Variants in PCDHGA5 observed in about 807,000 individuals in gnomAD.
PCDHGA5 encodes protocadherin gamma-A5.
In PCDHGA5, 36 loss-of-function variants were observed where a neutral mutation model predicts 56.7. The ratio of observed to expected loss-of-function variants is 0.64; its 90% CI spans 0.49 to 0.84. The LOEUF (loss-of-function observed/expected upper bound fraction) is 0.84, where lower values mean the gene tolerates loss of function less well. Among genes scored for constraint, PCDHGA5 ranks in the 40% least tolerant of loss-of-function variants. The probability of loss-of-function intolerance (pLI) is 0.00; values close to 1 mark genes in which losing one functional copy is unlikely to be tolerated. For synonymous variants in PCDHGA5, 563 were observed against 520.2 expected (o/e 1.08, Z -1.12); for missense variants, 1,305 against 1,201.5 (o/e 1.09, Z -1.27).
rs749007839 is a variant in PCDHGA5 at position 141,418,069 on chromosome 5, G to A, written c.2421+51318G>A. On this transcript the variant is annotated intron_variant, in intron 1 of 3. Coordinates refer to ENST00000518069, the MANE Select transcript of PCDHGA5 (RefSeq NM_018918.3). ...CGGCTCGCGAGCTGCGAGTGAGCGC[G>A]GAGAAGCTGCACTTCAGCGTAGACG... 1.7e-5 allele frequency: 28 copies of A among 1,613,926 alleles called. 1 individual carries two copies. The Middle Eastern group carries it at 9.9e-4, about 57-fold the overall frequency.
intron 1 of PCDHGA5, chr5:141,394,523 C>T (rs373702756): frequency 5.0e-6 from 8 of 1,614,234 alleles, no homozygotes; most frequent in Non-Finnish European, 6.8e-6. Context: ...TCCCCACAGA[C>T]GGTTCCACTG....
At chr5:141,482,343 A>G (rs1016179369) in intron 1 of PCDHGA5, among the ~76,000 whole-genome samples, 3 of 152,126 alleles carry the variant, frequency 2.0e-5, no homozygotes, top group Non-Finnish European at 2.9e-5. Flanking sequence ...TACTTTGCAA[A>G]CTTGTTGTGA....
chr5:141,365,865 G>A lies in PCDHGA5; in HGVS notation c.1535G>A (p.Gly512Asp), dbSNP rs1444429243. 1.9e-6 allele frequency: 3 copies of A among 1,614,056 alleles called. No homozygotes were observed. Among genetic ancestry groups the A allele is most frequent in the Non-Finnish European group, 2.5e-6 (3 of 1,179,918 alleles). The change falls in exon 1 of 4, where the codon GGT (glycine) becomes GAT (aspartate). Residue 512 changes from glycine (G) to aspartate (D), a missense_variant. By Grantham distance (94) the Gly-to-Asp change is moderately conservative. Coordinates refer to ENST00000518069, the MANE Select transcript of PCDHGA5 (RefSeq NM_018918.3). ...TATGTATCCATTAACTCTGACACCGGTGTCCTGTATGCTCTGAGATCCTTC... is the reference window on the plus strand; with the variant it reads ...TATGTATCCATTAACTCTGACACCGATGTCCTGTATGCTCTGAGATCCTTC... ...SSYVSINSDT[G>D]VLYALRSFDY...
intron 1 of PCDHGA5, chr5:141,417,974 G>A: frequency 6.2e-7 from 1 of 1,613,856 alleles, no homozygotes. Flanking sequence ...CTCGATTCCG[G>A]AGGAGCTGGC....
At chr5:141,415,315 G>A (rs201784236) in intron 1 of PCDHGA5, 2 of 1,614,220 alleles carry the variant, frequency 1.2e-6, no homozygotes, top group Middle Eastern at 1.6e-4. Context: ...CTTCGTCATC[G>A]TGCTGCTGGC....
chr5:141,498,976 G>A (rs1311505059), intron 2 of PCDHGA5, among the ~76,000 whole-genome samples: 1 of 13,010 alleles, frequency 7.7e-5, no homozygotes, highest in Non-Finnish European at 2.3e-4. Context: ...AGGGAGGGAA[G>A]GAAGGAAGGA....
chr5:141,403,416 C>G, intron 1 of PCDHGA5: 1 of 1,614,034 alleles, frequency 6.2e-7, no homozygotes, highest in Non-Finnish European at 8.5e-7. Flanking sequence ...TATCCACTTC[C>G]AGAAGCTATT....
intron 1 of PCDHGA5, chr5:141,427,048 C>T (rs1257232583): frequency 4.4e-6 from 2 of 457,350 alleles, no homozygotes; most frequent in South Asian, 1.5e-5. Context: ...AATGTGCCCC[C>T]AGGCACCTCT....
Position 141,383,923 on chromosome 5 carries a change from G to T in PCDHGA5, c.2421+17172G>T, listed in dbSNP as rs201582947. On this transcript the variant is annotated intron_variant, in intron 1 of 3. Coordinates refer to ENST00000518069, the MANE Select transcript of PCDHGA5 (RefSeq NM_018918.3). ...ACTGATCACAGTTTTAGATGTAAAT[G>T]ATAATGCTCCAGAAGTGACTATGAC... 169 of 1,613,826 alleles carry T rather than the reference G, an allele frequency of 1.0e-4. No homozygotes were observed. Among genetic ancestry groups the T allele is most frequent in the Non-Finnish European group, 1.3e-4 (156 of 1,179,886 alleles).
chr5:141,460,951 GTA>G (rs200454978), intron 1 of PCDHGA5, among the ~76,000 whole-genome samples: 208 of 139,744 alleles, frequency 1.5e-3, no homozygotes, highest in South Asian at 4.3e-3. Flanking sequence ...TATGTATTAT[GTA>G]TATATATATG....
chr5:141,423,612 TGAAGAC>T, intron 1 of PCDHGA5: 1 of 1,611,004 alleles, frequency 6.2e-7, no homozygotes, highest in African/African-American at 1.3e-5. Flanking sequence ...TCTTGATAGC[TGAAGAC>T]TCAGCTATCA....
chr5:141,398,964 T>C lies in PCDHGA5; in HGVS notation c.2421+32213T>C, dbSNP rs768223911. 1.5e-5 allele frequency: 25 copies of C among 1,613,826 alleles called. No homozygotes were observed. In the South Asian group the frequency reaches 2.4e-4, roughly 16 times the overall value. On this transcript the variant is annotated intron_variant, in intron 1 of 3. Coordinates refer to ENST00000518069, the MANE Select transcript of PCDHGA5 (RefSeq NM_018918.3). ...AGGGCATCAACTCAGAAATTACTTA[T>C]TCCTTCTACAGAACCGGGCAAATCT...
intron 1 of PCDHGA5, chr5:141,417,493 G>A (rs1463793261): frequency 4.7e-6 from 1 of 214,978 alleles, no homozygotes; most frequent in East Asian, 1.1e-4. Context: ...GAATCACTGA[G>A]GAAAAAGATT....
rs2099661624 is a variant in PCDHGA5, at chr5:141,487,712, G to A, written c.2422-7095G>A. The stretch of plus-strand genomic sequence containing the variant: ...AGAGAGTACTGGCCTCTCAGTAAGT[G>A]CCCATAGTGATGTCACCATTTTTGT... On this transcript the variant is annotated intron_variant, in intron 1 of 3. Coordinates refer to ENST00000518069, the MANE Select transcript of PCDHGA5 (RefSeq NM_018918.3). The surrounding 1 kb of genome is among the most constrained non-coding windows in gnomAD (Gnocchi z 5.0). The A allele has an allele frequency of 5.0e-6, 8 of 1,585,892 alleles. No individual in the cohort carries two copies. The highest frequency in any genetic ancestry group is 1.1e-5 in the South Asian group (1 of 87,950).
chr5:141,415,161 C>T (rs1391561235), intron 1 of PCDHGA5: 1 of 1,613,864 alleles, frequency 6.2e-7, no homozygotes, highest in Admixed American at 1.7e-5. Context: ...CCGCCACTGT[C>T]ACGCTCACCG....
intron 1 of PCDHGA5, chr5:141,411,270 A>G (rs1299052773): frequency 6.6e-6 from 1 of 152,160 alleles, no homozygotes; most frequent in African/African-American, 2.4e-5. Context: ...ATATTTTTAA[A>G]GCCTAAAAAT....
At chr5:141,370,696 C>T in intron 1 of PCDHGA5, 2 of 1,613,694 alleles carry the variant, frequency 1.2e-6, no homozygotes, top group Non-Finnish European at 1.7e-6. Context: ...AAGAAGTCGA[C>T]GTGTGTTCTG....
In PCDHGA5 at chr5:141,431,913, T is replaced by C; in HGVS notation, c.2422-62894T>C. The C allele has an allele frequency of 6.2e-7, 1 of 1,614,140 alleles. No individual in the cohort carries two copies. Among genetic ancestry groups the C allele is most frequent in the Admixed American group, 1.7e-5 (1 of 60,034 alleles). On this transcript the variant is annotated intron_variant, in intron 1 of 3. Transcript: ENST00000518069. This position sits in a 1 kb window ranked among gnomAD's most constrained non-coding sequence, Gnocchi z 4.8. The stretch of plus-strand genomic sequence containing the variant: ...GAGGAAAACGGACAGGTGATCTGTT[T>C]CATCCAAGGAAATCTGCCCTTTAAA...
intron 1 of PCDHGA5, chr5:141,417,503 T>G (rs1171198405): frequency 8.7e-6 from 2 of 229,844 alleles, no homozygotes; most frequent in East Asian, 1.9e-4. Context: ...GGAAAAAGAT[T>G]AAAATATTTT....
Sources: allele counts gnomAD v4.1 joint callset (sites outside exome capture counted in the v4.1 genomes callset), GRCh38; gene constraint gnomAD v4.1.1; non-coding constraint Gnocchi (gnomAD v3.1); transcripts MANE v1.5; gene names NCBI Gene and HGNC (gene_info 2026-07-23, HGNC 2026-07-21).